BARX2: variants seen among roughly 807,000 people sequenced by gnomAD.
The protein encoded by BARX2 is BARX homeobox 2.
In BARX2, 11 loss-of-function variants were observed where a neutral mutation model predicts 25.5. The observed-to-expected ratio is 0.43, with a 90% CI of 0.27 to 0.71. The LOEUF (loss-of-function observed/expected upper bound fraction) is 0.71. Among genes scored for constraint, BARX2 ranks in the 30% least tolerant of loss-of-function variants. The pLI is 0.19. For synonymous variants in BARX2, 137 were observed against 149.5 expected (o/e 0.92, Z 0.61); for missense variants, 360 against 359.9 (o/e 1.00, Z 0.00).
chr11:129,419,142 C>T (rs941179484), intron 1 of BARX2, among the ~76,000 whole-genome samples: 12 of 152,206 alleles, frequency 7.9e-5, no homozygotes, highest in African/African-American at 2.9e-4. Flanking sequence ...GGCCGGCCCC[C>T]GCCTGGCACC....
chr11:129,443,043 T>C, intron 3 of BARX2, 124 bp downstream of exon 3: 1 of 797,022 alleles, frequency 1.3e-6, no homozygotes, highest in Non-Finnish European at 2.1e-6. Context: ...CCTTCTATGC[T>C]GCTGGCTTGC....
At chr11:129,389,958 G>A (rs894073582) in intron 1 of BARX2, among the ~76,000 whole-genome samples, 9 of 152,204 alleles carry the variant, frequency 5.9e-5, no homozygotes, top group African/African-American at 2.2e-4. Flanking sequence ...TGTATTCTAA[G>A]TGGTAATGAT....
chr11:129,427,009 T>C (rs1222300389), intron 1 of BARX2, among the ~76,000 whole-genome samples: 2 of 152,202 alleles, frequency 1.3e-5, no homozygotes, highest in Non-Finnish European at 2.9e-5. Flanking sequence ...TGAATCTTGC[T>C]TTGCATGTGA....
chr11:129,422,614 C>T (rs921744344), intron 1 of BARX2, among the ~76,000 whole-genome samples: 9 of 150,888 alleles, frequency 6.0e-5, no homozygotes, highest in Non-Finnish European at 1.0e-4. Context: ...ATGGTCTTCT[C>T]GTGTATTGTT....
chr11:129,450,278 TTA>T (rs1451710672), intron 3 of BARX2, among the ~76,000 whole-genome samples: 1 of 152,226 alleles, frequency 6.6e-6, no homozygotes, highest in Non-Finnish European at 1.5e-5. Context: ...ACAGAAATAC[TTA>T]TGTTTGATCA....
chr11:129,395,593 G>C (rs964042466), intron 1 of BARX2, among the ~76,000 whole-genome samples: 2 of 152,126 alleles, frequency 1.3e-5, no homozygotes, highest in African/African-American at 4.8e-5. Flanking sequence ...CCAGTGCCAC[G>C]TTCAGCCCTC....
At chr11:129,411,154 G>A (rs1204197931) in intron 1 of BARX2, among the ~76,000 whole-genome samples, 7 of 151,996 alleles carry the variant, frequency 4.6e-5, no homozygotes, top group African/African-American at 1.7e-4. Flanking sequence ...GGTGGATCAC[G>A]AGGTCAAGAG....
At chr11:129,434,256 T>TG (rs1305774281) in intron 1 of BARX2, among the ~76,000 whole-genome samples, 36 of 494 alleles carry the variant, frequency 0.073, 1 homozygote, top group African/African-American at 0.21. Flanking sequence ...TCAGTTTATA[T>TG]GTTTTTTTTT....
intron 1 of BARX2, among the ~76,000 whole-genome samples, chr11:129,412,018 A>G (rs756143529): frequency 2.6e-5 from 4 of 152,178 alleles, no homozygotes; most frequent in Admixed American, 2.6e-4. Context: ...CACACCTGTA[A>G]TCCCAGCACT....
chr11:129,413,552 C>A (rs1413680297), intron 1 of BARX2, among the ~76,000 whole-genome samples: 1 of 151,974 alleles, frequency 6.6e-6, no homozygotes, highest in African/African-American at 2.4e-5. Context: ...CTGGAGAGTC[C>A]AGAAGGTTTT....
intron 1 of BARX2, among the ~76,000 whole-genome samples, chr11:129,404,058 A>T (rs961318652): frequency 1.3e-5 from 2 of 152,268 alleles, no homozygotes; most frequent in Non-Finnish European, 2.9e-5. Context: ...CAAAGATTTC[A>T]TGAAAAATAA....
intron 1 of BARX2, among the ~76,000 whole-genome samples, chr11:129,408,701 A>G (rs1248362043): frequency 1.3e-5 from 2 of 152,062 alleles, no homozygotes; most frequent in South Asian, 2.1e-4. Flanking sequence ...AGCCTCCCCC[A>G]TACATGCTCC....
intron 1 of BARX2, among the ~76,000 whole-genome samples, chr11:129,426,242 A>C (rs754510145): frequency 6.6e-6 from 1 of 152,098 alleles, no homozygotes; most frequent in Non-Finnish European, 1.5e-5. Flanking sequence ...CTAGGCTTAC[A>C]GATTATGCGT....
Position 129,376,051 on chromosome 11 carries a change from G to A in BARX2, c.16G>A (p.Glu6Lys), listed in dbSNP as rs749361325. Residue 6 changes from glutamate (E) to lysine (K), a missense_variant, in exon 1 of 4, where the codon GAG becomes AAG. This residue lies in a region of BARX2 where 240 missense variants were observed against 228.7 expected (regional missense o/e 1.05). Coordinates refer to ENST00000281437, the MANE Select transcript of BARX2 (RefSeq NM_003658.5). This position sits in a 1 kb window ranked among gnomAD's most constrained non-coding sequence, Gnocchi z 4.2. ...CCGGCTCACCATGCACTGCCACGCC[G>A]AGCTGAGGCTGAGCTCGCCCGGCCA... MHCHAELRLSSPGQLK... is the reference protein window; with the variant it reads MHCHAKLRLSSPGQLK... 1 of 1,591,910 alleles carries A rather than the reference G, an allele frequency of 6.3e-7. No individual in the cohort carries two copies. The highest frequency in any genetic ancestry group is 1.7e-5 in the Admixed American group (1 of 57,818).
In BARX2 at chr11:129,436,631, A is replaced by T. The variant is rs1862191514; in HGVS notation, c.188-120A>T. 9.0e-7 allele frequency: 1 copy of T among 1,106,018 alleles called. No homozygotes were observed. Among genetic ancestry groups the T allele is most frequent in the Non-Finnish European group, 1.3e-6 (1 of 780,892 alleles). 68.5% of individuals were successfully genotyped at this position (1,106,018 alleles called of 1,614,324 possible). Reference sequence around the variant, plus strand: ...CTCTCCTTCCCCTTCCTCCATCTGTACCTCCTTAAGAGCAGGGCCCTCCCT... The same window carrying T: ...CTCTCCTTCCCCTTCCTCCATCTGTTCCTCCTTAAGAGCAGGGCCCTCCCT... On this transcript the variant is annotated intron_variant, in intron 1 of 3. Coordinates refer to ENST00000281437, the MANE Select transcript of BARX2 (RefSeq NM_003658.5). This position sits in a 1 kb window ranked among gnomAD's most constrained non-coding sequence, Gnocchi z 4.5.
chr11:129,411,138 G>A (rs1482039671), intron 1 of BARX2, among the ~76,000 whole-genome samples: 2 of 152,272 alleles, frequency 1.3e-5, no homozygotes, highest in East Asian at 3.9e-4. Context: ...TTGGGAGGCC[G>A]AGGCGGGTGG....
chr11:129,430,530 T>A (rs1862117509), intron 1 of BARX2, among the ~76,000 whole-genome samples: 1 of 152,186 alleles, frequency 6.6e-6, no homozygotes, highest in African/African-American at 2.4e-5. Flanking sequence ...TTTTTGAAAT[T>A]TCCTTTTAAT....
At chr11:129,378,635 G>T (rs867764435) in intron 1 of BARX2, among the ~76,000 whole-genome samples, 21 of 127,180 alleles carry the variant, frequency 1.7e-4, no homozygotes, top group African/African-American at 6.2e-4. Context: ...TGCATAAAAA[G>T]TTCAAGTGAA....
rs1862401037 is a variant in BARX2, at chr11:129,451,497, A to G, written c.*95A>G. On this transcript the variant is annotated 3_prime_UTR_variant, in exon 4 of 4. Coordinates refer to ENST00000281437, the MANE Select transcript of BARX2 (RefSeq NM_003658.5). The stretch of plus-strand genomic sequence containing the variant: ...AGAGAAAACCTTCCAGCAGCCCAGT[A>G]AACTGCGGGCGAAGAGATCTACCCG... The G allele has an allele frequency of 1.4e-6, 2 of 1,417,988 alleles. No individual in the cohort carries two copies. Among genetic ancestry groups the G allele is most frequent in the African/African-American group, 1.4e-5 (1 of 69,072 alleles). The allele number at this position is 1,417,988 out of a possible 1,614,324, so 87.8% of individuals were successfully genotyped here. A position where few individuals can be genotyped will look rare whatever the true frequency, so the allele number is the denominator to read the frequency against.
Sources: gnomAD v4.1 joint callset for allele counts (sites outside exome capture counted in the v4.1 genomes callset) on GRCh38, gnomAD v4.1.1 for gene constraint, gnomAD v4.1.1 regional missense constraint, Gnocchi (gnomAD v3.1) non-coding constraint, MANE v1.5 for transcripts, NCBI Gene and HGNC (gene_info 2026-07-23, HGNC 2026-07-21) for gene names.